The following CPS1 variants were observed in gnomAD, a reference collection of about 807,000 sequenced individuals.
The protein encoded by CPS1 is carbamoyl-phosphate synthase [ammonia], mitochondrial.
In CPS1, 109 loss-of-function variants were observed where a neutral mutation model predicts 174.6. That is an observed-to-expected ratio of 0.62 (90% CI 0.53 to 0.73). The LOEUF (loss-of-function observed/expected upper bound fraction) is 0.73. Among genes scored for constraint, CPS1 ranks in the 30% least tolerant of loss-of-function variants. CPS1 has a pLI of 0.00. For synonymous variants in CPS1, 637 were observed against 632.0 expected, an observed-to-expected ratio of 1.01 and a Z score of -0.12; for missense variants, 1,689 against 1,821.9, an observed-to-expected ratio of 0.93 and a Z score of 1.33.
chr2:210,673,072 C>T (rs1701366891), intron 34 of CPS1: 1 of 152,126 alleles, frequency 6.6e-6, no homozygotes, highest in South Asian at 2.1e-4. Flanking sequence ...GAAATAAGAT[C>T]ATTTGATTTT....
intron 21 of CPS1, among the ~76,000 whole-genome samples, chr2:210,634,809 A>G (rs921722157): frequency 2.6e-5 from 4 of 152,348 alleles, no homozygotes; most frequent in African/African-American, 9.6e-5. Context: ...ATGACAATGA[A>G]TGTGGCTACC....
At chr2:210,512,766 ATATATATATATATATATATG>A (rs1250037182) in intron 1 of CPS1, among the ~76,000 whole-genome samples, 1 of 112,940 alleles carries the variant, frequency 8.9e-6, no homozygotes, top group African/African-American at 3.7e-5. Flanking sequence ...ATATATATAT[ATATATATATATATATATATG>A]GAGAGAGAGA....
intron 1 of CPS1, among the ~76,000 whole-genome samples, chr2:210,524,297 CATG>C (rs1253871991): frequency 6.6e-6 from 1 of 151,928 alleles, no homozygotes; most frequent in Non-Finnish European, 1.5e-5. Flanking sequence ...CTTGAACCTA[CATG>C]ATATCTAGCT....
intron 34 of CPS1, chr2:210,672,980 G>A (rs1414786258): frequency 2.0e-5 from 3 of 152,158 alleles, no homozygotes; most frequent in Admixed American, 2.0e-4. Context: ...GTAAATATTA[G>A]GGGGTGTTAT....
At chr2:210,613,237 C>T (rs909407196) in intron 20 of CPS1, among the ~76,000 whole-genome samples, 2 of 151,844 alleles carry the variant, frequency 1.3e-5, no homozygotes, top group Non-Finnish European at 1.5e-5. Flanking sequence ...GAACTCATCG[C>T]AACTTTTATG....
At chr2:210,644,898 T>C (rs1338697517) in intron 25 of CPS1, among the ~76,000 whole-genome samples, 2 of 148,978 alleles carry the variant, frequency 1.3e-5, no homozygotes, top group African/African-American at 5.2e-5. Flanking sequence ...GTATGATTAA[T>C]GGAATTTTGG....
In CPS1 at chr2:210,570,964, A is replaced by G. The variant is rs189026902; in HGVS notation, c.127-2334A>G. ...TCACTCTTACTTTCTAAAATCTTCA[A>G]CTTCTGTCTTGAATTGTAATTAGAC... On this transcript the variant is annotated intron_variant, in intron 1 of 37. Transcript: ENST00000233072. Among the ~76,000 whole-genome samples the G allele has an allele frequency of 3.9e-5, 6 of 152,076 alleles. No homozygotes were observed. The East Asian group carries it at 7.7e-4, about 20-fold the overall frequency.
At chr2:210,570,399 G>T (rs572270060) in intron 1 of CPS1, among the ~76,000 whole-genome samples, 13 of 152,038 alleles carry the variant, frequency 8.6e-5, no homozygotes, top group African/African-American at 2.6e-4. Flanking sequence ...AAACAGAATT[G>T]TAGGAATAGG....
At chr2:210,654,161 A>G in intron 29 of CPS1, 59 bp downstream of exon 29, 2 of 1,434,058 alleles carry the variant, frequency 1.4e-6, no homozygotes, top group East Asian at 4.6e-5. Flanking sequence ...TTTCTTTAAC[A>G]ATTTTGAAAT....
intron 5 of CPS1, 176 bp downstream of exon 5, chr2:210,579,946 A>T (rs774529528): frequency 6.4e-6 from 4 of 629,078 alleles, no homozygotes; most frequent in Non-Finnish European, 1.1e-5. Flanking sequence ...TGTAATTTTC[A>T]AGATTGAATA....
At chr2:210,502,392 TA>T (rs1456525258) in intron 1 of CPS1, among the ~76,000 whole-genome samples, 5 of 146,892 alleles carry the variant, frequency 3.4e-5, no homozygotes, top group Admixed American at 6.8e-5. Context: ...TTTTTATATA[TA>T]TGTATATTTT....
At position 210,612,132 on chromosome 2, in the gene CPS1, C is replaced by A. The variant is rs201716417; in HGVS notation, c.2407C>A (p.Arg803Ser). 1.3e-5 allele frequency: 21 copies of A among 1,611,718 alleles called. No individual in the cohort carries two copies. The highest frequency in any genetic ancestry group is 9.4e-5 in the African/African-American group (7 of 74,674). The change falls in exon 20 of 38, where the codon CGT becomes AGT. Residue 803 changes from arginine to serine, a missense_variant. By Grantham distance (110) the Arg-to-Ser change is moderately radical. Transcript: ENST00000233072. The part of the protein sequence containing the change: ...KSVGEVMAIG[R>S]TFEESFQKAL... ...TGTATTACAGGTCATGGCTATTGGT[C>A]GTACCTTTGAGGAGAGTTTCCAGAA... is the stretch of plus-strand genomic sequence containing the variant.
intron 11 of CPS1, chr2:210,593,449 C>T (rs938198027): frequency 2.3e-5 from 23 of 995,688 alleles, no homozygotes; most frequent in Non-Finnish European, 2.6e-5. Flanking sequence ...ATGATTCAGA[C>T]GGCTTCAGAA....
chr2:210,580,193 T>C (rs1430238674), intron 5 of CPS1, among the ~76,000 whole-genome samples: 1 of 152,186 alleles, frequency 6.6e-6, no homozygotes, highest in Non-Finnish European at 1.5e-5. Context: ...GTTACTGTTA[T>C]TTGTTTTGTC....
chr2:210,598,729 C>T (rs927350205), intron 13 of CPS1, among the ~76,000 whole-genome samples: 1 of 151,808 alleles, frequency 6.6e-6, no homozygotes, highest in African/African-American at 2.4e-5. Flanking sequence ...TCTTAGAGAC[C>T]TGCAAAGAGA....
chr2:210,678,392 A>G lies in CPS1; in HGVS notation c.*407A>G, dbSNP rs532362348. The G allele has an allele frequency of 3.5e-5, 8 of 231,602 alleles. No homozygotes were observed. Among genetic ancestry groups the G allele is most frequent in the Non-Finnish European group, 6.9e-5 (8 of 116,002 alleles). The allele number at this position is 231,602 out of a possible 1,614,324, so 14.3% of individuals were successfully genotyped here. A position where few individuals can be genotyped will look rare whatever the true frequency, so the allele number is the denominator to read the frequency against. ...ATCTGCAAACTCAGGACACTTTAAC[A>G]GGGCAGAATACTCTAAAAACTTGAT... On this transcript the variant is annotated 3_prime_UTR_variant, in exon 38 of 38. Transcript: ENST00000233072.
At chr2:210,514,020 C>T (rs537384192) in intron 1 of CPS1, among the ~76,000 whole-genome samples, 1 of 151,910 alleles carries the variant, frequency 6.6e-6, no homozygotes, top group African/African-American at 2.4e-5. Context: ...TCTGGGCTCT[C>T]TATTCTGTTT....
intron 1 of CPS1, among the ~76,000 whole-genome samples, chr2:210,514,182 A>T (rs2370963): frequency 0.62 from 93,423 of 151,756 alleles, 29,153 homozygotes; most frequent in South Asian, 0.68. Context: ...TTTTGGTTCC[A>T]TATGAATTGT....
chr2:210,536,847 C>T (rs1161102582), intron 1 of CPS1, among the ~76,000 whole-genome samples: 1 of 151,974 alleles, frequency 6.6e-6, no homozygotes, highest in Non-Finnish European at 1.5e-5. Context: ...TGGCTGGAAA[C>T]CTTAAAAAAT....
Sources: gnomAD v4.1 joint callset for allele counts (sites outside exome capture counted in the v4.1 genomes callset) on GRCh38, gnomAD v4.1.1 for gene constraint, MANE v1.5 for transcripts, NCBI Gene and HGNC (gene_info 2026-07-23, HGNC 2026-07-21) for gene names.